MIPOL1: variants seen among roughly 807,000 people sequenced by gnomAD.
MIPOL1 encodes the protein mirror-image polydactyly 1, also known as mirror-image polydactyly gene 1 protein.
A neutral mutation model predicts 60.9 loss-of-function variants in MIPOL1; 57 were observed. That is an observed-to-expected ratio of 0.94 (90% CI 0.76 to 1.17). MIPOL1 has a LOEUF of 1.17. Ranked by LOEUF, MIPOL1 falls within the 50% of genes most tolerant of loss-of-function variation. The pLI is 0.00. For synonymous variants in MIPOL1, 179 were observed against 168.8 expected, an observed-to-expected ratio of 1.06 and a Z score of -0.47; for missense variants, 551 against 511.6, an observed-to-expected ratio of 1.08 and a Z score of -0.74.
intron 11 of MIPOL1, among the ~76,000 whole-genome samples, chr14:37,484,337 C>CTTT (rs71449995): frequency 7.4e-4 from 86 of 116,402 alleles, no homozygotes; most frequent in Middle Eastern, 6.1e-3. Flanking sequence ...AATGTTAGAT[C>CTTT]TTTTTTTTTT....
At chr14:37,504,417 C>G (rs1232457605) in intron 12 of MIPOL1, 1 of 152,230 alleles carries the variant, frequency 6.6e-6, no homozygotes, top group Non-Finnish European at 1.5e-5. Flanking sequence ...TCTCAGACCA[C>G]AGTGCAATCA....
At chr14:37,230,140 A>G (rs1327921803) in intron 1 of MIPOL1, among the ~76,000 whole-genome samples, 2 of 152,226 alleles carry the variant, frequency 1.3e-5, no homozygotes, top group African/African-American at 4.8e-5. Context: ...TCCACAATGT[A>G]TATTTCAAAA....
intron 9 of MIPOL1, among the ~76,000 whole-genome samples, chr14:37,327,430 G>T (rs1451933867): frequency 1.3e-5 from 2 of 152,100 alleles, no homozygotes; most frequent in Non-Finnish European, 2.9e-5. Flanking sequence ...TAGGACTACA[G>T]GTGCATGCCA....
Position 37,238,108 on chromosome 14 carries a change from C to G in MIPOL1, c.-198-8995C>G, listed in dbSNP as rs142639266. The stretch of plus-strand genomic sequence containing the variant: ...TGGTCGCCAAAGCAGCTGAGAGTTA[C>G]AGGCAAACACTATCTTCTCCCTTCT... On this transcript the variant is annotated intron_variant, in intron 1 of 12. Transcript: ENST00000684589. Among the ~76,000 whole-genome samples the G allele has an allele frequency of 4.5e-4, 68 of 152,254 alleles. 1 individual carries two copies. In the East Asian group the frequency reaches 0.012, roughly 26 times the overall value.
At chr14:37,198,730 T>C (rs1594383139) in intron 1 of MIPOL1, among the ~76,000 whole-genome samples, 1 of 152,202 alleles carries the variant, frequency 6.6e-6, no homozygotes, top group South Asian at 2.1e-4. Flanking sequence ...CACACGCGTT[T>C]GGAAAAGCTC....
In MIPOL1 at chr14:37,478,557, C is replaced by G. The variant is rs148624053; in HGVS notation, c.1032-21351C>G. ...AAACAATTAGCAAAATGGCAGTAGTCTTTACTATCAATAATTACCATGAAT... is the reference window on the plus strand; with the variant it reads ...AAACAATTAGCAAAATGGCAGTAGTGTTTACTATCAATAATTACCATGAAT... On this transcript the variant is annotated intron_variant, in intron 11 of 12. Transcript: ENST00000684589. Among the ~76,000 whole-genome samples, 735 of 151,910 alleles carry G rather than the reference C, an allele frequency of 4.8e-3. 7 individuals carry two copies. The highest frequency in any genetic ancestry group is 0.017 in the African/African-American group (693 of 41,450).
In MIPOL1 at chr14:37,546,984, G is replaced by C. The variant is rs200276151; in HGVS notation, c.*13G>C. 1.3e-6 allele frequency: 2 copies of C among 1,552,718 alleles called. No homozygotes were observed. The highest frequency in any genetic ancestry group is 1.8e-6 in the Non-Finnish European group (2 of 1,123,598). On this transcript the variant is annotated 3_prime_UTR_variant, in exon 13 of 13. Transcript: ENST00000684589. ...GACAGTGATCTGATTGAAAAAAAAC[G>C]ACAGTCTGGGGAAGCGATCACATCT...
intron 9 of MIPOL1, among the ~76,000 whole-genome samples, chr14:37,363,031 A>G (rs956629893): frequency 1.3e-5 from 2 of 152,128 alleles, no homozygotes; most frequent in African/African-American, 4.8e-5. Flanking sequence ...CAAGATTTTT[A>G]GATTCCTTGC....
chr14:37,363,819 C>T (rs531510531), intron 9 of MIPOL1, among the ~76,000 whole-genome samples: 2 of 152,258 alleles, frequency 1.3e-5, no homozygotes, highest in African/African-American at 4.8e-5. Flanking sequence ...GCTTTGTTTA[C>T]CTACATAAGC....
Position 37,547,076 on chromosome 14 carries a change from G to T in MIPOL1, c.*105G>T. On this transcript the variant is annotated 3_prime_UTR_variant, in exon 13 of 13. Transcript: ENST00000684589. ...GCCTTAACTTAGCAAACAGTTGTTAGAAGTGGGACACTCCAACCACATTCC... is the reference window on the plus strand; with the variant it reads ...GCCTTAACTTAGCAAACAGTTGTTATAAGTGGGACACTCCAACCACATTCC... 1.1e-6 allele frequency: 1 copy of T among 910,494 alleles called. No individual in the cohort carries two copies. The highest frequency in any genetic ancestry group is 2.2e-4 in the Middle Eastern group (1 of 4,560). The allele number at this position is 910,494 out of a possible 1,614,324, so 56.4% of individuals were successfully genotyped here.
intron 9 of MIPOL1, among the ~76,000 whole-genome samples, chr14:37,335,938 C>T (rs943773299): frequency 3.9e-5 from 6 of 151,908 alleles, no homozygotes; most frequent in East Asian, 1.9e-4. Context: ...TAGCTGCTTG[C>T]GCTTTTAGTA....
chr14:37,414,992 C>T (rs1430920395), intron 10 of MIPOL1, among the ~76,000 whole-genome samples: 1 of 152,098 alleles, frequency 6.6e-6, no homozygotes, highest in Non-Finnish European at 1.5e-5. Flanking sequence ...TTGTGCCACC[C>T]CTGCCCCCAA....
chr14:37,229,241 C>T (rs945693372), intron 1 of MIPOL1, among the ~76,000 whole-genome samples: 3 of 152,142 alleles, frequency 2.0e-5, no homozygotes, highest in Non-Finnish European at 2.9e-5. Context: ...ACTGTAACCT[C>T]CTCCCTGGCT....
intron 11 of MIPOL1, among the ~76,000 whole-genome samples, chr14:37,458,584 T>G (rs1205755654): frequency 6.6e-6 from 1 of 152,000 alleles, no homozygotes; most frequent in Non-Finnish European, 1.5e-5. Flanking sequence ...GCCAGGAGGC[T>G]AAAGTGAGAG....
At chr14:37,489,325 T>G (rs960012807) in intron 11 of MIPOL1, among the ~76,000 whole-genome samples, 2 of 152,184 alleles carry the variant, frequency 1.3e-5, no homozygotes, top group African/African-American at 4.8e-5. Context: ...TTCTCTAAAC[T>G]GGTTATTCTA....
At chr14:37,423,360 TAATAACC>T (rs1173624081) in intron 11 of MIPOL1, among the ~76,000 whole-genome samples, 3 of 150,898 alleles carry the variant, frequency 2.0e-5, no homozygotes, top group African/African-American at 7.3e-5. Flanking sequence ...TGAGCAGCAA[TAATAACC>T]TTTCATGTAT....
chr14:37,420,064 T>C (rs1387176370), intron 10 of MIPOL1, among the ~76,000 whole-genome samples: 1 of 152,050 alleles, frequency 6.6e-6, no homozygotes, highest in Admixed American at 6.6e-5. Flanking sequence ...TGGCTGAATT[T>C]TTTTTTTATG....
intron 12 of MIPOL1, among the ~76,000 whole-genome samples, chr14:37,519,819 A>C (rs922041703): frequency 2.0e-5 from 3 of 152,134 alleles, no homozygotes; most frequent in Non-Finnish European, 2.9e-5. Context: ...TAGTGATATC[A>C]TAGACTTGAA....
chr14:37,243,564 A>G (rs1226149613), intron 1 of MIPOL1, among the ~76,000 whole-genome samples: 2 of 151,782 alleles, frequency 1.3e-5, no homozygotes, highest in African/African-American at 2.4e-5. Flanking sequence ...AGTATTGTAA[A>G]TGATCTCTAG....
Sources: allele counts gnomAD v4.1 joint callset (sites outside exome capture counted in the v4.1 genomes callset), GRCh38; gene constraint gnomAD v4.1.1; transcripts MANE v1.5; gene names NCBI Gene and HGNC (gene_info 2026-07-23, HGNC 2026-07-21).